Variants in CFAP20DC observed in about 807,000 individuals in gnomAD.
CFAP20DC encodes the protein protein CFAP20DC.
CFAP20DC carries 84 observed loss-of-function variants against 101.7 expected under a neutral mutation model. The observed-to-expected ratio is 0.83, with a 90% CI of 0.69 to 0.99. The LOEUF is 0.99. Ranked by LOEUF, CFAP20DC falls within the 50% of genes least tolerant of loss-of-function variation. The pLI is 0.00. For synonymous variants in CFAP20DC, 359 were observed against 351.2 expected (o/e 1.02, Z -0.25); for missense variants, 1,007 against 970.3 (o/e 1.04, Z -0.50).
rs1355379918 is a variant in CFAP20DC, at chr3:58,971,205, A to G, written c.279-33443T>C. ...ACGATCACTTTCTGAAGCTTACCATAAAGAAGATATTTGGCACTGAAAGTA... is the reference window on the plus strand; with the variant it reads ...ACGATCACTTTCTGAAGCTTACCATGAAGAAGATATTTGGCACTGAAAGTA... On this transcript the variant is annotated intron_variant, in intron 4 of 16. Transcript: ENST00000482387. The surrounding 1 kb of genome is among the most constrained non-coding windows in gnomAD (Gnocchi z 4.1). 6.6e-6 allele frequency among the ~76,000 whole-genome samples: 1 copy of G among 152,188 alleles called. No homozygotes were observed. Among genetic ancestry groups the G allele is most frequent in the Non-Finnish European group, 1.5e-5 (1 of 68,024 alleles).
intron 4 of CFAP20DC, among the ~76,000 whole-genome samples, chr3:58,975,054 G>A (rs550142513): frequency 3.9e-5 from 6 of 152,290 alleles, no homozygotes; most frequent in African/African-American, 1.2e-4. Flanking sequence ...GTAGGTGGAA[G>A]GGAGATTAAT....
At position 58,884,844 on chromosome 3, in the gene CFAP20DC, T is replaced by C. The variant is rs2081491489; in HGVS notation, c.551-135A>G. ...TACGAGTTATTCAACCTTTCAGCCC[T>C]GATTTTCTCATCTGTGAAATGAGCA... On this transcript the variant is annotated intron_variant, in intron 6 of 16. Coordinates refer to ENST00000482387, the MANE Select transcript of CFAP20DC (RefSeq NM_001394063.1). 20 of 698,220 alleles carry C rather than the reference T, an allele frequency of 2.9e-5. No individual in the cohort carries two copies. The South Asian group carries it at 3.8e-4, about 13-fold the overall frequency. The allele number at this position is 698,220 out of a possible 1,614,324, so 43.3% of individuals were successfully genotyped here.
intron 4 of CFAP20DC, among the ~76,000 whole-genome samples, chr3:58,968,272 T>G (rs111496376): frequency 6.6e-6 from 1 of 152,174 alleles, no homozygotes; most frequent in Non-Finnish European, 1.5e-5. Flanking sequence ...TTTTAGCTCT[T>G]TGAGGAATCA....
downstream of CFAP20DC, among the ~76,000 whole-genome samples, chr3:58,717,195 C>T (rs116698613): frequency 5.5e-3 from 832 of 151,998 alleles, 8 homozygotes; most frequent in African/African-American, 0.019. The surrounding 1 kb of genome is among the most constrained non-coding windows in gnomAD (Gnocchi z 4.1). Context: ...TGCCTGCAAA[C>T]TAAATTATAA....
intron 4 of CFAP20DC, among the ~76,000 whole-genome samples, chr3:58,974,194 T>A (rs779349328): frequency 2.8e-4 from 42 of 152,142 alleles, no homozygotes; most frequent in Admixed American, 3.9e-4. Context: ...ACAAATGATC[T>A]TGTCACCTAG....
chr3:58,806,618 G>A (rs550059910), intron 14 of CFAP20DC, among the ~76,000 whole-genome samples, 162 bp from the exon 15 acceptor site: 2 of 152,290 alleles, frequency 1.3e-5, no homozygotes, highest in African/African-American at 4.8e-5. Flanking sequence ...CAGCTCCAGT[G>A]TACAGCTCCC....
rs1449461432 is a variant in CFAP20DC, at chr3:58,956,040, T to C, written c.279-18278A>G. ...TTTGGCACTGAATAACCAGCAGTGA[T>C]ACCAACATACTACACTGAGGGCCTA... On this transcript the variant is annotated intron_variant, in intron 4 of 16. Coordinates refer to ENST00000482387, the MANE Select transcript of CFAP20DC (RefSeq NM_001394063.1). 6.4e-4 allele frequency among the ~76,000 whole-genome samples: 97 copies of C among 151,490 alleles called. 2 individuals carry two copies. The South Asian group carries it at 0.02, about 31-fold the overall frequency.
rs2082778426 is a variant in CFAP20DC, at chr3:58,897,663, C to T, written c.551-12954G>A. ...GGTTAGTTTGGCCAGATATGAAATT[C>T]AGGATTGGGGAAATTCTTTTCTTAA... On this transcript the variant is annotated intron_variant, in intron 6 of 16. Coordinates refer to ENST00000482387, the MANE Select transcript of CFAP20DC (RefSeq NM_001394063.1). This position sits in a 1 kb window ranked among gnomAD's most constrained non-coding sequence, Gnocchi z 4.4. Among the ~76,000 whole-genome samples, 1 of 152,208 alleles carries T rather than the reference C, an allele frequency of 6.6e-6. No individual in the cohort carries two copies. The highest frequency in any genetic ancestry group is 6.5e-5 in the Admixed American group (1 of 15,284).
At chr3:58,848,100 T>A in intron 13 of CFAP20DC, among the ~76,000 whole-genome samples, 1 of 145,172 alleles carries the variant, frequency 6.9e-6, no homozygotes, top group Non-Finnish European at 1.5e-5. Context: ...TGCACCAGCA[T>A]GGCACATGTA....
intron 15 of CFAP20DC, among the ~76,000 whole-genome samples, chr3:58,769,873 ACT>A (rs1483062347): frequency 6.6e-6 from 1 of 151,994 alleles, no homozygotes; most frequent in Non-Finnish European, 1.5e-5. Flanking sequence ...GGGAAATCAT[ACT>A]CTTTCTTCTG....
downstream of CFAP20DC, among the ~76,000 whole-genome samples, chr3:58,740,224 C>T (rs1210371441): frequency 6.6e-6 from 1 of 152,106 alleles, no homozygotes; most frequent in Non-Finnish European, 1.5e-5. This position sits in a 1 kb window ranked among gnomAD's most constrained non-coding sequence, Gnocchi z 4.6. Flanking sequence ...AGCGGCAGAG[C>T]CAATGCTTCT....
chr3:58,718,836 C>T (rs2107039660), intron 3 of CFAP20DC, among the ~76,000 whole-genome samples: 1 of 152,298 alleles, frequency 6.6e-6, no homozygotes, highest in Non-Finnish European at 1.5e-5. Flanking sequence ...ATCTCTTCTC[C>T]CTGCAAGCCA....
At chr3:58,758,759 T>C (rs2069214588) in intron 15 of CFAP20DC, among the ~76,000 whole-genome samples, 2 of 152,070 alleles carry the variant, frequency 1.3e-5, no homozygotes, top group South Asian at 4.1e-4. Context: ...CATTGTTCAA[T>C]TCCCACCTAT....
At chr3:58,750,955 C>A (rs1244148814) in intron 16 of CFAP20DC, among the ~76,000 whole-genome samples, 2 of 151,942 alleles carry the variant, frequency 1.3e-5, no homozygotes, top group African/African-American at 4.8e-5. Flanking sequence ...TAGAAATATA[C>A]CAAATATACC....
At chr3:58,932,474 G>T (rs950595573) in intron 5 of CFAP20DC, among the ~76,000 whole-genome samples, 4 of 152,040 alleles carry the variant, frequency 2.6e-5, no homozygotes, top group African/African-American at 9.7e-5. Flanking sequence ...ATAATTGTCA[G>T]ATTCACCAAA....
intron 3 of CFAP20DC, chr3:58,727,039 G>C (rs1302515158): frequency 8.0e-6 from 2 of 251,104 alleles, no homozygotes; most frequent in South Asian, 7.2e-5. Context: ...CAGAAAAGAT[G>C]AGAAGGACCC....
chr3:58,836,167 A>C (rs535004507), intron 13 of CFAP20DC, among the ~76,000 whole-genome samples: 1 of 152,332 alleles, frequency 6.6e-6, no homozygotes, highest in South Asian at 2.1e-4. Context: ...AAGACAATTA[A>C]GATATGGCCT....
chr3:58,815,306 T>C (rs1457757056), intron 14 of CFAP20DC, among the ~76,000 whole-genome samples: 4 of 149,134 alleles, frequency 2.7e-5, no homozygotes, highest in Non-Finnish European at 4.5e-5. Context: ...GCTAGCCATA[T>C]GTAGAAAGCT....
chr3:58,816,066 T>C lies in CFAP20DC; in HGVS notation c.2176-9610A>G, dbSNP rs762476099. Among the ~76,000 whole-genome samples the C allele has an allele frequency of 8.6e-4, 131 of 151,948 alleles. 2 individuals carry two copies. Among genetic ancestry groups the C allele is most frequent in the African/African-American group, 2.9e-3 (120 of 41,268 alleles). ...CTATAAAGACACATGCACACGTATATTTATTGTGGCATTATTCACAATAGC... is the reference window on the plus strand; with the variant it reads ...CTATAAAGACACATGCACACGTATACTTATTGTGGCATTATTCACAATAGC... On this transcript the variant is annotated intron_variant, in intron 14 of 16. Transcript: ENST00000482387.
Sources: allele counts gnomAD v4.1 joint callset (sites outside exome capture counted in the v4.1 genomes callset), GRCh38; gene constraint gnomAD v4.1.1; non-coding constraint Gnocchi (gnomAD v3.1); transcripts MANE v1.5; gene names NCBI Gene and HGNC (gene_info 2026-07-23, HGNC 2026-07-21).